CDH18: variants seen among roughly 807,000 people sequenced by gnomAD.
CDH18 encodes cadherin-18.
Under a neutral mutation model 67.9 loss-of-function variants are expected in CDH18, and 31 were observed. The ratio of observed to expected loss-of-function variants is 0.46; its 90% CI spans 0.34 to 0.62. The LOEUF (loss-of-function observed/expected upper bound fraction) is 0.62, where lower values mean the gene tolerates loss of function less well. CDH18 is among the 20% of genes least tolerant of loss of function. The pLI is 0.01. For missense variants in CDH18, 890 were observed against 975.5 expected (o/e 0.91, Z 1.17); for synonymous variants, 362 against 347.2 (o/e 1.04, Z -0.48).
chr5:20,349,839 A>G (rs748791187), intron 1 of CDH18, among the ~76,000 whole-genome samples: 23 of 152,146 alleles, frequency 1.5e-4, no homozygotes, highest in Non-Finnish European at 2.9e-4. Flanking sequence ...CAAATTTCTG[A>G]TCTTCTAAGA....
intron 1 of CDH18, among the ~76,000 whole-genome samples, chr5:20,368,892 A>G (rs1026389021): frequency 1.3e-5 from 2 of 152,130 alleles, no homozygotes; most frequent in African/African-American, 4.8e-5. Context: ...GACACAGATG[A>G]TGTTCTACGT....
intron 2 of CDH18, among the ~76,000 whole-genome samples, chr5:19,849,277 T>C (rs1783371539): frequency 6.6e-6 from 1 of 152,022 alleles, no homozygotes; most frequent in African/African-American, 2.4e-5. Flanking sequence ...AACAAGATCA[T>C]GTTGGCAGAG....
intron 1 of CDH18, among the ~76,000 whole-genome samples, chr5:20,256,968 A>ATCTATCTG (rs1744290682): frequency 1.1e-5 from 1 of 91,914 alleles, no homozygotes; most frequent in African/African-American, 2.9e-5. Flanking sequence ...TATCTAATCT[A>ATCTATCTG]TCTATATCTA....
Position 20,236,850 on chromosome 5 carries a change from CA to C in CDH18, c.-518+18593del, listed in dbSNP as rs1311787894. On this transcript the variant is annotated intron_variant, in intron 2 of 14. Transcript: ENST00000507958. ...TTTTATGAGACAGGTATTACCTTGA[CA>C]AATATATCACCAGACACATATATTA... Among the ~76,000 whole-genome samples, 3 of 152,004 alleles carry C rather than the reference CA, an allele frequency of 2.0e-5. No homozygotes were observed. In the East Asian group the frequency reaches 5.8e-4, roughly 29 times the overall value.
chr5:20,303,871 C>A (rs537322069), intron 1 of CDH18, among the ~76,000 whole-genome samples: 1 of 152,060 alleles, frequency 6.6e-6, no homozygotes, highest in African/African-American at 2.4e-5. Flanking sequence ...AGGGAGAGTG[C>A]GGTTTCTTGA....
intron 1 of CDH18, among the ~76,000 whole-genome samples, chr5:20,351,190 G>A (rs113117234): frequency 7.0e-6 from 1 of 143,486 alleles, no homozygotes; most frequent in Non-Finnish European, 1.5e-5. Context: ...GTGTGTGTGT[G>A]TGCGTGTGTG....
At chr5:19,767,730 G>A (rs1581256077) in intron 3 of CDH18, among the ~76,000 whole-genome samples, 2 of 152,196 alleles carry the variant, frequency 1.3e-5, no homozygotes. Context: ...GGAGACTTCA[G>A]TAGAAATGGT....
intron 5 of CDH18, among the ~76,000 whole-genome samples, chr5:19,614,724 A>C (rs79094856): frequency 0.012 from 1,767 of 152,280 alleles, 31 homozygotes; most frequent in African/African-American, 0.041. Flanking sequence ...AGTGAATGAC[A>C]CATATCTACA....
chr5:19,553,851 A>T (rs773317967), intron 8 of CDH18, among the ~76,000 whole-genome samples: 5 of 151,756 alleles, frequency 3.3e-5, no homozygotes, highest in Non-Finnish European at 7.4e-5. Flanking sequence ...CCAGGCTGGT[A>T]TTGAACTCCT....
chr5:20,028,902 A>T (rs1338872609), intron 2 of CDH18, among the ~76,000 whole-genome samples: 1 of 152,164 alleles, frequency 6.6e-6, no homozygotes, highest in African/African-American at 2.4e-5. Context: ...CTGCGACTGA[A>T]TCTTAATTCC....
chr5:19,962,907 A>G (rs1277645927), intron 2 of CDH18, among the ~76,000 whole-genome samples: 1 of 152,144 alleles, frequency 6.6e-6, no homozygotes, highest in Admixed American at 6.5e-5. Flanking sequence ...CAAGGCAGGA[A>G]AGACATTATT....
chr5:20,007,684 TGTGTG>T (rs1737028266), intron 2 of CDH18, among the ~76,000 whole-genome samples: 1 of 133,794 alleles, frequency 7.5e-6, no homozygotes, highest in African/African-American at 3.4e-5. Context: ...TGTGTGTGTG[TGTGTG>T]TGTGTGTGTG....
intron 1 of CDH18, among the ~76,000 whole-genome samples, chr5:20,345,649 C>G (rs982066822): frequency 1.1e-4 from 17 of 151,540 alleles, no homozygotes; most frequent in African/African-American, 4.1e-4. Context: ...ATTACCTAAC[C>G]CACCTAACCC....
intron 1 of CDH18, among the ~76,000 whole-genome samples, chr5:20,355,935 C>T (rs1184733226): frequency 1.3e-5 from 2 of 152,158 alleles, no homozygotes. Flanking sequence ...CAAGCACATT[C>T]AATGATTTTG....
chr5:19,611,464 T>C (rs2150106982), intron 6 of CDH18, among the ~76,000 whole-genome samples: 1 of 152,248 alleles, frequency 6.6e-6, no homozygotes, highest in East Asian at 1.9e-4. Flanking sequence ...AAATTTTAGT[T>C]GAAGTAAGGA....
At chr5:19,825,253 GGCAAGCAAT>G (rs1423752077) in intron 3 of CDH18, among the ~76,000 whole-genome samples, 1 of 152,114 alleles carries the variant, frequency 6.6e-6, no homozygotes, top group Non-Finnish European at 1.5e-5. Context: ...CTTGGAGTCA[GGCAAGCAAT>G]GCCAGCTAGA....
At chr5:19,905,472 T>C (rs1333743283) in intron 2 of CDH18, among the ~76,000 whole-genome samples, 3 of 109,638 alleles carry the variant, frequency 2.7e-5, no homozygotes, top group Non-Finnish European at 5.7e-5. Context: ...TTATAAAACA[T>C]TTAGATCATA....
intron 1 of CDH18, among the ~76,000 whole-genome samples, chr5:20,320,020 A>G (rs1195521910): frequency 2.0e-5 from 3 of 152,160 alleles, no homozygotes; most frequent in Non-Finnish European, 4.4e-5. Flanking sequence ...TGCATTAGAT[A>G]TATCAGGATG....
At chr5:20,166,736 A>T (rs1736324053) in intron 2 of CDH18, among the ~76,000 whole-genome samples, 1 of 152,090 alleles carries the variant, frequency 6.6e-6, no homozygotes, top group Admixed American at 6.6e-5. Context: ...GTGGGTCTCT[A>T]AGGCTAGCTC....
Sources: gnomAD v4.1 joint callset for allele counts (sites outside exome capture counted in the v4.1 genomes callset) on GRCh38, gnomAD v4.1.1 for gene constraint, MANE v1.5 for transcripts, NCBI Gene and HGNC (gene_info 2026-07-23, HGNC 2026-07-21) for gene names.